ATP10B: variants seen among roughly 807,000 people sequenced by gnomAD.
ATP10B encodes the protein phospholipid-transporting ATPase VB.
In ATP10B, 122 loss-of-function variants were observed where a neutral mutation model predicts 141.2. The observed-to-expected ratio is 0.86, with a 90% CI of 0.75 to 1.00. ATP10B has a LOEUF of 1.00. Among genes scored for constraint, ATP10B ranks in the 50% least tolerant of loss-of-function variants. The pLI is 0.00. For missense variants in ATP10B, 1,876 were observed against 1,825.3 expected, an observed-to-expected ratio of 1.03 and a Z score of -0.51; for synonymous variants, 685 against 692.0, an observed-to-expected ratio of 0.99 and a Z score of 0.16.
At chr5:160,712,127 T>TA in intron 3 of ATP10B, among the ~76,000 whole-genome samples, 1 of 2,380 alleles carries the variant, frequency 4.2e-4, no homozygotes, top group Non-Finnish European at 5.7e-4. Flanking sequence ...GCTGGCCTCA[T>TA]AAAATGAGTT....
chr5:160,670,793 G>A, intron 6 of ATP10B, 126 bp from the exon 7 acceptor site: 1 of 778,242 alleles, frequency 1.3e-6, no homozygotes, highest in Non-Finnish European at 2.1e-6. Flanking sequence ...AGATTGCCTT[G>A]TATTCTACCT....
At chr5:160,733,175 C>A (rs763139402) in intron 2 of ATP10B, among the ~76,000 whole-genome samples, 7 of 152,086 alleles carry the variant, frequency 4.6e-5, no homozygotes, top group Non-Finnish European at 1.5e-5. Context: ...TTCACCTGCT[C>A]GGTTAAATTA....
chr5:160,906,818 G>T, the ATP10B span, among the ~76,000 whole-genome samples: 3 of 152,292 alleles, frequency 2.0e-5, no homozygotes, highest in East Asian at 5.8e-4. Context: ...AGAAGCCAAT[G>T]TGCTAAGGGT....
intron 2 of ATP10B, among the ~76,000 whole-genome samples, chr5:160,754,176 A>G (rs550727723): frequency 6.6e-6 from 1 of 152,324 alleles, no homozygotes; most frequent in East Asian, 1.9e-4. Flanking sequence ...AATTTAATAT[A>G]TACAGACATA....
In ATP10B at chr5:160,688,791, G is replaced by A. The variant is rs1457223990; in HGVS notation, c.-52C>T. 1.4e-5 allele frequency: 14 copies of A among 985,352 alleles called. No homozygotes were observed. The highest frequency in any genetic ancestry group is 1.1e-4 in the East Asian group (1 of 8,838). The allele number at this position is 985,352 out of a possible 1,614,324, so 61.0% of individuals were successfully genotyped here. On this transcript the variant is annotated 5_prime_UTR_variant, in exon 4 of 26. Transcript: ENST00000327245. ...CCGGAACCTCAAAGGAGAGTGATAA[G>A]TAGAATAGATGGGAGAGGTTCTTTC...
At chr5:160,928,253 G>A in the ATP10B span, among the ~76,000 whole-genome samples, 1 of 152,082 alleles carries the variant, frequency 6.6e-6, no homozygotes. Flanking sequence ...ATTCTTAATG[G>A]CACAGGCCAC....
intron 1 of ATP10B, among the ~76,000 whole-genome samples, chr5:160,801,528 G>A (rs998918632): frequency 6.6e-6 from 1 of 152,192 alleles, no homozygotes; most frequent in Non-Finnish European, 1.5e-5. Context: ...CTCCATGAGG[G>A]AATGGATTGA....
Position 160,617,899 on chromosome 5 carries a change from T to TTGCATA in ATP10B, c.2485_2490dup (p.Tyr829_Ala830dup). 1 of 1,614,202 alleles carries TTGCATA rather than the reference T, an allele frequency of 6.2e-7. No homozygotes were observed. ...ATGCATAGTGTGCGCAGGCCATCTCTTGCATACAAGTCTAGATGCTTTTGG... is the reference window on the plus strand; with the variant it reads ...ATGCATAGTGTGCGCAGGCCATCTCTTGCATATGCATACAAGTCTAGATGCTTTTGG... On this transcript the variant is annotated inframe_insertion, in exon 16 of 26. Transcript: ENST00000327245.
rs539445143 is a variant in ATP10B at position 160,774,234 on chromosome 5, T to G, written c.-331+11325A>C. On this transcript the variant is annotated intron_variant, in intron 2 of 25. Transcript: ENST00000327245. Reference sequence around the variant, plus strand: ...AAGAGCAACTGGAGGTCCCGGCAACTTAATGACAGCTAATGAGGACGGAGT... The same window carrying G: ...AAGAGCAACTGGAGGTCCCGGCAACGTAATGACAGCTAATGAGGACGGAGT... Among the ~76,000 whole-genome samples, 4 of 152,320 alleles carry G rather than the reference T, an allele frequency of 2.6e-5. No homozygotes were observed. The South Asian group carries it at 6.2e-4, about 24-fold the overall frequency.
chr5:160,877,839 G>T, the ATP10B span, among the ~76,000 whole-genome samples: 1 of 135,150 alleles, frequency 7.4e-6, no homozygotes, highest in South Asian at 2.5e-4. Flanking sequence ...GGACATGAAG[G>T]ACCTCTTCAG....
chr5:160,830,677 T>G (rs772165793), intron 1 of ATP10B, among the ~76,000 whole-genome samples: 9 of 152,024 alleles, frequency 5.9e-5, no homozygotes, highest in Non-Finnish European at 1.3e-4. Flanking sequence ...TTTTTTAAGT[T>G]GAGATTTTGA....
chr5:160,672,147 T>C (rs576986512), intron 6 of ATP10B, among the ~76,000 whole-genome samples: 2 of 151,938 alleles, frequency 1.3e-5, no homozygotes, highest in African/African-American at 4.8e-5. Context: ...CAGCTAATTT[T>C]TGTATTTTTA....
At chr5:160,600,282 A>G (rs891986668) in intron 21 of ATP10B, among the ~76,000 whole-genome samples, 1 of 152,200 alleles carries the variant, frequency 6.6e-6, no homozygotes. Context: ...CCCTGCCCAA[A>G]TTCAGAGCTA....
At chr5:160,715,686 TG>T (rs1765587282) in intron 3 of ATP10B, among the ~76,000 whole-genome samples, 1 of 146,582 alleles carries the variant, frequency 6.8e-6, no homozygotes, top group African/African-American at 2.5e-5. Context: ...GAATTTAGCT[TG>T]CTTTATTTAT....
rs761659154 is a variant in ATP10B at position 160,569,632 on chromosome 5, C to T, written c.3802G>A (p.Val1268Ile). The change falls in exon 25 of 26, where the codon GTA becomes ATA. Residue 1268 changes from valine (V) to isoleucine (I), a missense_variant. Transcript: ENST00000327245. Reference protein sequence around the residue: ...LLGSFLMYFLVSLLYNATCVI... With the variant: ...LLGSFLMYFLISLLYNATCVI... ...CAGGTGGCATTGTACAGGAGGGATA[C>T]CAGAAAGTACATCAGGAAGCTGCCG... 1 of 1,607,186 alleles carries T rather than the reference C, an allele frequency of 6.2e-7. No homozygotes were observed. The highest frequency in any genetic ancestry group is 1.3e-5 in the African/African-American group (1 of 74,576).
At chr5:160,915,817 C>A in the ATP10B span, among the ~76,000 whole-genome samples, 2 of 152,176 alleles carry the variant, frequency 1.3e-5, no homozygotes, top group African/African-American at 4.8e-5. Context: ...CACACACTCA[C>A]CCCTACATCT....
chr5:160,606,758 TG>T lies in ATP10B; in HGVS notation c.3160+6del. 6.2e-7 allele frequency: 1 copy of T among 1,609,762 alleles called. No homozygotes were observed. Among genetic ancestry groups the T allele is most frequent in the Non-Finnish European group, 8.5e-7 (1 of 1,176,726 alleles). On this transcript the variant is annotated splice_donor_region_variant and intron_variant, in intron 19 of 25. Transcript: ENST00000327245. ...AAGTGCCACCCGCATCTCAGTATGA[TG>T]GGTACCTATGGAAAGGGTCATGACG...
chr5:160,749,638 A>G (rs1768027067), intron 2 of ATP10B, among the ~76,000 whole-genome samples: 1 of 152,210 alleles, frequency 6.6e-6, no homozygotes, highest in Non-Finnish European at 1.5e-5. Flanking sequence ...GCTGGGTCTC[A>G]TACCTGGCAT....
At chr5:160,772,946 A>G (rs1561838438) in intron 2 of ATP10B, among the ~76,000 whole-genome samples, 1 of 152,220 alleles carries the variant, frequency 6.6e-6, no homozygotes, top group Admixed American at 6.5e-5. Flanking sequence ...CCAGGACTGT[A>G]TGGACCACAC....
Sources: gnomAD v4.1 joint callset for allele counts (sites outside exome capture counted in the v4.1 genomes callset) on GRCh38, gnomAD v4.1.1 for gene constraint, MANE v1.5 for transcripts, NCBI Gene and HGNC (gene_info 2026-07-23, HGNC 2026-07-21) for gene names.